DOCK4: variants seen among roughly 807,000 people sequenced by gnomAD.
DOCK4 encodes the protein dedicator of cytokinesis protein 4.
A neutral mutation model predicts 268.1 loss-of-function variants in DOCK4; 97 were observed. The ratio of observed to expected loss-of-function variants is 0.36; its 90% CI spans 0.31 to 0.43. DOCK4 has a LOEUF of 0.43. Among genes scored for constraint, DOCK4 ranks in the 20% least tolerant of loss-of-function variants. The pLI is 1.00. For synonymous variants in DOCK4, 954 were observed against 887.2 expected, an observed-to-expected ratio of 1.08 and a Z score of -1.34; for missense variants, 2,145 against 2,455.7, an observed-to-expected ratio of 0.87 and a Z score of 2.67.
intron 1 of DOCK4, among the ~76,000 whole-genome samples, chr7:112,176,857 G>T (rs576468260): frequency 6.6e-6 from 1 of 152,302 alleles, no homozygotes; most frequent in East Asian, 1.9e-4. Context: ...TGGTGGTGTT[G>T]TTTGTGCTTG....
Position 111,970,391 on chromosome 7 carries a change from A to C in DOCK4, c.701+6741T>G, listed in dbSNP as rs1473784977. 3.3e-5 allele frequency among the ~76,000 whole-genome samples: 5 copies of C among 152,144 alleles called. No individual in the cohort carries two copies. In the East Asian group the frequency reaches 5.8e-4, roughly 18 times the overall value. On this transcript the variant is annotated intron_variant, in intron 8 of 52. Coordinates refer to ENST00000428084, the MANE Select transcript of DOCK4 (RefSeq NM_001363540.2). Reference sequence around the variant, plus strand: ...AAAAATGTGGATATTAGTAGTATCCACTGTATAGAGTGTTACAAGGGCTGA... The same window carrying C: ...AAAAATGTGGATATTAGTAGTATCCCCTGTATAGAGTGTTACAAGGGCTGA...
chr7:111,861,829 GATGAA>G lies in DOCK4; in HGVS notation c.2473+1538_2473+1542del, dbSNP rs202245333. On this transcript the variant is annotated intron_variant, in intron 23 of 52. Coordinates refer to ENST00000428084, the MANE Select transcript of DOCK4 (RefSeq NM_001363540.2). ...ATACAATGTACTGTTATCATTTAAA[GATGAA>G]ATGATTTAAAAATTTGTAAAGAAGA... Among the ~76,000 whole-genome samples, 1,266 of 150,378 alleles carry G rather than the reference GATGAA, an allele frequency of 8.4e-3. 24 individuals are homozygous for G. The highest frequency in any genetic ancestry group is 0.029 in the African/African-American group (1,198 of 41,012).
At chr7:111,838,711 C>A (rs537158693) in intron 25 of DOCK4, among the ~76,000 whole-genome samples, 56 of 152,036 alleles carry the variant, frequency 3.7e-4, no homozygotes, top group African/African-American at 1.3e-3. Flanking sequence ...GATGAGGTAG[C>A]ATGGAGGGGC....
At chr7:112,068,332 T>G (rs1807268929) in intron 1 of DOCK4, among the ~76,000 whole-genome samples, 1 of 152,202 alleles carries the variant, frequency 6.6e-6, no homozygotes, top group Non-Finnish European at 1.5e-5. Flanking sequence ...GACAGTTATA[T>G]TTACCCAGAT....
At chr7:111,842,606 G>A (rs1309551128) in intron 25 of DOCK4, among the ~76,000 whole-genome samples, 1 of 152,316 alleles carries the variant, frequency 6.6e-6, no homozygotes, top group African/African-American at 2.4e-5. Context: ...TCATACCCAC[G>A]AGTCAGTGTT....
intron 50 of DOCK4, among the ~76,000 whole-genome samples, chr7:111,736,447 G>A (rs760877473): frequency 6.6e-6 from 1 of 152,138 alleles, no homozygotes; most frequent in African/African-American, 2.4e-5. Context: ...ACTCCATTAT[G>A]CACTGGATTG....
intron 49 of DOCK4, 43 bp downstream of exon 49, chr7:111,739,091 G>C: frequency 2.6e-6 from 4 of 1,549,980 alleles, no homozygotes; most frequent in Non-Finnish European, 3.6e-6. Context: ...AGCAATTCCA[G>C]AATTGTCCTT....
chr7:111,859,656 C>T (rs992999360), intron 23 of DOCK4, among the ~76,000 whole-genome samples: 15 of 148,284 alleles, frequency 1.0e-4, no homozygotes, highest in Non-Finnish European at 2.2e-4. Context: ...CAAGCTCCGC[C>T]TCCCGGGTTC....
chr7:111,935,492 G>A, intron 12 of DOCK4, 48 bp downstream of exon 12: 1 of 1,536,366 alleles, frequency 6.5e-7, no homozygotes, highest in South Asian at 1.1e-5. Context: ...CAAAAAAAAG[G>A]GCTTGGAACG....
At chr7:111,880,860 G>C (rs1348756249) in intron 16 of DOCK4, among the ~76,000 whole-genome samples, 1 of 145,158 alleles carries the variant, frequency 6.9e-6, no homozygotes, top group Non-Finnish European at 1.5e-5. Context: ...GGGAAAACTG[G>C]ATATCCATAT....
chr7:112,116,157 T>G (rs1812145008), intron 1 of DOCK4, among the ~76,000 whole-genome samples: 1 of 152,232 alleles, frequency 6.6e-6, no homozygotes, highest in African/African-American at 2.4e-5. Flanking sequence ...CAGTCACTCC[T>G]CATACCCTCC....
intron 28 of DOCK4, among the ~76,000 whole-genome samples, chr7:111,811,040 A>G (rs1801090996): frequency 1.3e-5 from 2 of 152,070 alleles, no homozygotes; most frequent in African/African-American, 4.8e-5. Context: ...GAAACAAAAA[A>G]AGAACCAAAG....
At chr7:111,841,063 T>C (rs1354548028) in intron 25 of DOCK4, among the ~76,000 whole-genome samples, 1 of 152,206 alleles carries the variant, frequency 6.6e-6, no homozygotes, top group Admixed American at 6.5e-5. Flanking sequence ...CAGCATTTAT[T>C]GAGTATCAGA....
intron 7 of DOCK4, among the ~76,000 whole-genome samples, chr7:111,983,929 A>T (rs1409584744): frequency 6.6e-6 from 1 of 151,810 alleles, no homozygotes; most frequent in East Asian, 1.9e-4. Flanking sequence ...GAGGGTTAAC[A>T]TGCTGCTGAG....
At chr7:111,883,425 A>G (rs781430735) in intron 16 of DOCK4, among the ~76,000 whole-genome samples, 1 of 151,972 alleles carries the variant, frequency 6.6e-6, no homozygotes, top group Non-Finnish European at 1.5e-5. Flanking sequence ...CTGTCCTGCT[A>G]TTTCCAGGCC....
chr7:112,001,024 C>T (rs1359056214), intron 2 of DOCK4, among the ~76,000 whole-genome samples: 2 of 152,204 alleles, frequency 1.3e-5, no homozygotes, highest in African/African-American at 4.8e-5. Context: ...GGCCAACAGT[C>T]ATGACGTGAA....
intron 27 of DOCK4, among the ~76,000 whole-genome samples, chr7:111,816,404 A>G (rs1801557792): frequency 6.6e-6 from 1 of 152,198 alleles, no homozygotes; most frequent in South Asian, 2.1e-4. Flanking sequence ...GGGGAGATGA[A>G]ATTCGTGGAT....
At chr7:111,809,461 T>G in intron 28 of DOCK4, 60 bp from the exon 29 acceptor site, 2 of 1,402,062 alleles carry the variant, frequency 1.4e-6, no homozygotes. Context: ...ACAGGTGAAG[T>G]GACATAGTAT....
intron 48 of DOCK4, 46 bp from the exon 49 acceptor site, chr7:111,739,289 T>C (rs760291354): frequency 1.3e-6 from 2 of 1,598,242 alleles, no homozygotes; most frequent in Non-Finnish European, 1.7e-6. Context: ...GTAGTGGTGC[T>C]GCACCTGTTT....
Sources: gnomAD v4.1 joint callset for allele counts (sites outside exome capture counted in the v4.1 genomes callset) on GRCh38, gnomAD v4.1.1 for gene constraint, MANE v1.5 for transcripts, NCBI Gene and HGNC (gene_info 2026-07-23, HGNC 2026-07-21) for gene names.